CCDC77: variants seen among roughly 807,000 people sequenced by gnomAD.
CCDC77 encodes coiled-coil domain-containing protein 77.
In CCDC77, 56 loss-of-function variants were observed where a neutral mutation model predicts 66.8. That is an observed-to-expected ratio of 0.84 (90% CI 0.68 to 1.05). The LOEUF (loss-of-function observed/expected upper bound fraction) is 1.05. Among genes scored for constraint, CCDC77 ranks in the 50% least tolerant of loss-of-function variants. CCDC77 has a pLI of 0.00. For missense variants in CCDC77, 570 were observed against 576.8 expected, an observed-to-expected ratio of 0.99 and a Z score of 0.12; for synonymous variants, 196 against 195.2, an observed-to-expected ratio of 1.00 and a Z score of -0.03.
In CCDC77 at chr12:409,367, G is replaced by C; in HGVS notation, c.-16-1G>C. ...ATTATGAATTTTTGTGTATTTGATA[G>C]GTGTGAAAAAGACAGCATGAACTTT... On this transcript the variant is annotated splice_acceptor_variant, in intron 2 of 12. Coordinates refer to ENST00000239830, the MANE Select transcript of CCDC77 (RefSeq NM_032358.4). LOFTEE classifies it low-confidence loss of function (5UTR_SPLICE). 1 of 1,609,466 alleles carries C rather than the reference G, an allele frequency of 6.2e-7. No homozygotes were observed. The highest frequency in any genetic ancestry group is 8.5e-7 in the Non-Finnish European group (1 of 1,176,690).
At position 440,930 on chromosome 12, in the gene CCDC77, A is replaced by C; in HGVS notation, c.1254A>C (p.Glu418Asp). 6.2e-7 allele frequency: 1 copy of C among 1,613,698 alleles called. No homozygotes were observed. Among genetic ancestry groups the C allele is most frequent in the Non-Finnish European group, 8.5e-7 (1 of 1,180,024 alleles). ...ALERRRILEV[E>D]GFKTDIKVLR... ...AGCGTCGACGTATCCTGGAAGTAGA[A>C]GGCTTTAAGACAGATATTAAAGTTC... The change falls in exon 12 of 13, where the codon GAA (glutamate) becomes GAC (aspartate). Residue 418 changes from glutamate (E) to aspartate (D), a missense_variant. Transcript: ENST00000239830.
intron 3 of CCDC77, 26 bp from the exon 4 acceptor site, chr12:411,721 A>AATAT: frequency 5.1e-6 from 8 of 1,579,792 alleles, no homozygotes; most frequent in Non-Finnish European, 6.9e-6. Context: ...GAGTGTGATG[A>AATAT]ATATATCATT....
intron 3 of CCDC77, 84 bp from the exon 4 acceptor site, chr12:411,663 C>T (rs1175725764): frequency 8.7e-7 from 1 of 1,155,580 alleles, no homozygotes; most frequent in Admixed American, 2.6e-5. Context: ...ACTTTGGGAA[C>T]ACAAAACCCC....
At chr12:419,163 G>A (rs1432370316) in intron 5 of CCDC77, among the ~76,000 whole-genome samples, 2 of 152,150 alleles carry the variant, frequency 1.3e-5, no homozygotes, top group East Asian at 1.9e-4. Context: ...GAATATGAAC[G>A]GATACTGTGG....
intron 1 of CCDC77, among the ~76,000 whole-genome samples, chr12:403,761 G>A (rs900047405): frequency 5.3e-5 from 8 of 152,182 alleles, no homozygotes; most frequent in Non-Finnish European, 1.0e-4. Context: ...CAAAGTGCTG[G>A]CATTACAGGC....
At chr12:440,525 CCTTCTTTTCTTTCTTT>C (rs1265651482) in intron 10 of CCDC77, 76 bp from the exon 11 acceptor site, 10 of 1,443,130 alleles carry the variant, frequency 6.9e-6, no homozygotes, top group Non-Finnish European at 9.5e-6. Context: ...TCTGGAAATC[CCTTCTTTTCTTTCTTT>C]CTTTGCCTAA....
chr12:433,597 A>G lies in CCDC77; in HGVS notation c.821+275A>G, dbSNP rs570084915. ...TAAGAAGTGTTCTTAGGCCGGGTGC[A>G]GTGGCTCACGCCTGTAATCGCTCCT... On this transcript the variant is annotated intron_variant, in intron 9 of 12. Coordinates refer to ENST00000239830, the MANE Select transcript of CCDC77 (RefSeq NM_032358.4). 4 of 504,024 alleles carry G rather than the reference A, an allele frequency of 7.9e-6. No individual in the cohort carries two copies. The East Asian group carries it at 2.5e-4, about 31-fold the overall frequency. 31.2% of individuals were successfully genotyped at this position (504,024 alleles called of 1,614,324 possible).
chr12:389,821 G>A (rs1430010957), intron 1 of CCDC77, among the ~76,000 whole-genome samples: 2 of 151,814 alleles, frequency 1.3e-5, no homozygotes, highest in Non-Finnish European at 2.9e-5. Context: ...TCTTTTTTTA[G>A]CCCTTTGAAT....
rs182833731 is a variant in CCDC77 at position 419,376 on chromosome 12, T to C, written c.413+740T>C. 7.0e-3 allele frequency among the ~76,000 whole-genome samples: 1,064 copies of C among 152,324 alleles called. 5 individuals are homozygous for C. Among genetic ancestry groups the C allele is most frequent in the Middle Eastern group, 0.014 (4 of 294 alleles). On this transcript the variant is annotated intron_variant, in intron 5 of 12. Transcript: ENST00000239830. The stretch of plus-strand genomic sequence containing the variant: ...AGAAAAACTGAGCTCCTGGGAGATA[T>C]GGTCACAAGAAGGAGTCATAGCAGT...
intron 5 of CCDC77, among the ~76,000 whole-genome samples, chr12:423,522 G>T (rs1483984497): frequency 1.7e-5 from 2 of 120,770 alleles, no homozygotes; most frequent in Admixed American, 2.0e-4. Context: ...TTGAGACAGG[G>T]TCTTGCTCAG....
intron 8 of CCDC77, 77 bp downstream of exon 8, chr12:432,031 T>G (rs755133191): frequency 1.2e-6 from 1 of 820,188 alleles, no homozygotes; most frequent in Non-Finnish European, 2.1e-6. Context: ...CTCAGTGTCA[T>G]GTGATAAGTA....
At chr12:423,129 T>TTTTTTTTTTTTTTTTTTTC (rs1945440685) in intron 5 of CCDC77, among the ~76,000 whole-genome samples, 1 of 113,960 alleles carries the variant, frequency 8.8e-6, no homozygotes, top group African/African-American at 3.3e-5. Context: ...TTTTTTTTTT[T>TTTTTTTTTTTTTTTTTTTC]TTTTTTTTTG....
intron 6 of CCDC77, among the ~76,000 whole-genome samples, chr12:430,150 C>T (rs1178133419): frequency 7.2e-5 from 11 of 152,040 alleles, no homozygotes; most frequent in African/African-American, 2.2e-4. Context: ...TGTGCCACCA[C>T]GCCTGGCTAA....
intron 4 of CCDC77, among the ~76,000 whole-genome samples, chr12:415,897 C>T (rs1476915745): frequency 6.6e-6 from 1 of 152,160 alleles, no homozygotes; most frequent in East Asian, 1.9e-4. Context: ...CCTCCGCCTC[C>T]CAGGTTCAAG....
At chr12:424,405 G>T (rs76614745) in intron 5 of CCDC77, among the ~76,000 whole-genome samples, 5,592 of 148,590 alleles carry the variant, frequency 0.038, 292 homozygotes, top group African/African-American at 0.12. Flanking sequence ...GTATCACTCT[G>T]TCGGCCAGGG....
intron 5 of CCDC77, among the ~76,000 whole-genome samples, chr12:425,511 A>G (rs1945511433): frequency 6.6e-6 from 1 of 151,922 alleles, no homozygotes; most frequent in Admixed American, 6.6e-5. Flanking sequence ...CTCGCCTTCC[A>G]TGTCAGTTGA....
intron 1 of CCDC77, chr12:395,316 T>C (rs1944812631): frequency 6.6e-6 from 1 of 152,220 alleles, no homozygotes; most frequent in African/African-American, 2.4e-5. Flanking sequence ...TTCAAACTAC[T>C]AAGCTCAAGC....
chr12:401,227 C>A (rs1591956676), upstream of CCDC77, among the ~76,000 whole-genome samples: 1 of 152,188 alleles, frequency 6.6e-6, no homozygotes, highest in South Asian at 2.1e-4. Flanking sequence ...CTAGGCCACC[C>A]GGTCATGGAA....
At chr12:409,997 C>CAA (rs1263986778) in intron 3 of CCDC77, among the ~76,000 whole-genome samples, 4 of 96,028 alleles carry the variant, frequency 4.2e-5, no homozygotes, top group South Asian at 3.2e-4. Context: ...GACTCCATCT[C>CAA]AAAAAAAAAA....
Sources: gnomAD v4.1 joint callset for allele counts (sites outside exome capture counted in the v4.1 genomes callset) on GRCh38, gnomAD v4.1.1 for gene constraint, MANE v1.5 for transcripts, NCBI Gene and HGNC (gene_info 2026-07-23, HGNC 2026-07-21) for gene names.